Variants in PADI2 observed in about 807,000 individuals in gnomAD.
PADI2 encodes peptidyl arginine deiminase 2.
A neutral mutation model predicts 81.1 loss-of-function variants in PADI2; 70 were observed. The ratio of observed to expected loss-of-function variants is 0.86; its 90% confidence interval spans 0.71 to 1.05. The LOEUF is 1.05. PADI2 is among the 50% of genes least tolerant of loss of function. PADI2 has a pLI of 0.00. For missense variants in PADI2, 853 were observed against 889.9 expected, an observed-to-expected ratio of 0.96 and a Z score of 0.53; for synonymous variants, 338 against 358.0, an observed-to-expected ratio of 0.94 and a Z score of 0.63.
Position 17,067,355 on chromosome 1 carries a change from C to A in PADI2, c.*1689G>T, listed in dbSNP as rs2078230222. Reference sequence around the variant, plus strand: ...GGGCTGGAGAGATCTGGGGCTTTGGCCTCCAAAGGCAGGAGCTGCTGTCCC... The same window carrying A: ...GGGCTGGAGAGATCTGGGGCTTTGGACTCCAAAGGCAGGAGCTGCTGTCCC... On this transcript the variant is annotated 3_prime_UTR_variant, in exon 16 of 16. Transcript: ENST00000375486. 6.6e-6 allele frequency: 1 copy of A among 152,142 alleles called. No homozygotes were observed. Among genetic ancestry groups the A allele is most frequent in the African/African-American group, 2.4e-5 (1 of 41,426 alleles). The allele number at this position is 152,142 out of a possible 1,614,324, so 9.4% of individuals were successfully genotyped here.
Position 17,086,520 on chromosome 1 carries a change from C to T in PADI2, c.834+1G>A. 6.2e-7 allele frequency: 1 copy of T among 1,611,906 alleles called. No homozygotes were observed. The highest frequency in any genetic ancestry group is 8.5e-7 in the Non-Finnish European group (1 of 1,178,986). Reference sequence around the variant, plus strand: ...CTGTGGTGGAGGCCTGGAGCCCTCACCTGGGCCATGTACTCCAGCAGGCTG... The same window carrying T: ...CTGTGGTGGAGGCCTGGAGCCCTCATCTGGGCCATGTACTCCAGCAGGCTG... On this transcript the variant is annotated splice_donor_variant, in intron 7 of 15. Coordinates refer to ENST00000375486, the MANE Select transcript of PADI2 (RefSeq NM_007365.3). LOFTEE classifies it high-confidence loss of function.
intron 10 of PADI2, 144 bp from the exon 11 acceptor site, chr1:17,079,559 A>G: frequency 1.6e-6 from 1 of 608,368 alleles, no homozygotes; most frequent in Non-Finnish European, 2.8e-6. Flanking sequence ...CCTATGATTA[A>G]CAAAGAGCAG....
chr1:17,088,454 G>C (rs1253717623), intron 6 of PADI2, among the ~76,000 whole-genome samples: 1 of 152,176 alleles, frequency 6.6e-6, no homozygotes, highest in Non-Finnish European at 1.5e-5. Flanking sequence ...GAAATAAGTG[G>C]ATGAACCGCG....
chr1:17,117,347 A>C (rs555885960), intron 1 of PADI2, among the ~76,000 whole-genome samples: 3 of 152,368 alleles, frequency 2.0e-5, no homozygotes, highest in African/African-American at 7.2e-5. Flanking sequence ...GGGTTAAACA[A>C]AATATATTAT....
intron 3 of PADI2, among the ~76,000 whole-genome samples, chr1:17,100,967 G>C (rs950624538): frequency 1.3e-5 from 2 of 151,364 alleles, no homozygotes; most frequent in Non-Finnish European, 2.9e-5. Flanking sequence ...GCCACAAATT[G>C]TTTTATTGAT....
Position 17,084,947 on chromosome 1 carries a change from C to T in PADI2, c.835-245G>A, listed in dbSNP as rs545428013. Among the ~76,000 whole-genome samples, 12 of 152,372 alleles carry T rather than the reference C, an allele frequency of 7.9e-5. No individual in the cohort carries two copies. In the East Asian group the frequency reaches 9.6e-4, roughly 12 times the overall value. On this transcript the variant is annotated intron_variant, in intron 7 of 15. Coordinates refer to ENST00000375486, the MANE Select transcript of PADI2 (RefSeq NM_007365.3). ...GAAACCGAGTCACAGGGCTGTTAAC[C>T]GCCCAAGGTCACATGGTTGGTAAGT...
At chr1:17,082,496 A>G (rs1415963918) in intron 10 of PADI2, 49 bp downstream of exon 10, 1 of 1,200,258 alleles carries the variant, frequency 8.3e-7, no homozygotes, top group East Asian at 2.3e-5. Context: ...CTGTCTTATG[A>G]GAATCTCCAG....
intron 4 of PADI2, among the ~76,000 whole-genome samples, chr1:17,095,166 A>G (rs1212181261): frequency 1.3e-5 from 2 of 152,266 alleles, no homozygotes; most frequent in Admixed American, 1.3e-4. Context: ...AATGGAAAGC[A>G]GTTAGAAGCA....
intron 3 of PADI2, among the ~76,000 whole-genome samples, chr1:17,100,102 G>A (rs1031983884): frequency 3.9e-5 from 6 of 152,058 alleles, no homozygotes; most frequent in East Asian, 1.9e-4. Flanking sequence ...TCAGGATGAC[G>A]GGCTCAAGGG....
chr1:17,098,074 C>A (rs976693938), intron 3 of PADI2, among the ~76,000 whole-genome samples: 8 of 152,072 alleles, frequency 5.3e-5, no homozygotes, highest in Non-Finnish European at 1.0e-4. Flanking sequence ...GAAACCCAGG[C>A]CCGCAGCAGG....
At chr1:17,075,895 C>G in intron 11 of PADI2, 72 bp from the exon 12 acceptor site, 1 of 1,452,712 alleles carries the variant, frequency 6.9e-7, no homozygotes. Context: ...GGAGTTTGGT[C>G]TCTGGGACCC....
chr1:17,075,926 T>A (rs2078299177), intron 11 of PADI2, 103 bp from the exon 12 acceptor site: 1 of 1,039,870 alleles, frequency 9.6e-7, no homozygotes, highest in Non-Finnish European at 1.5e-6. Context: ...CAGAGTGACA[T>A]CAGCAGAGAA....
At chr1:17,100,375 C>G (rs764848584) in intron 3 of PADI2, among the ~76,000 whole-genome samples, 2 of 152,138 alleles carry the variant, frequency 1.3e-5, no homozygotes, top group Non-Finnish European at 2.9e-5. Flanking sequence ...ACCTCTGTCT[C>G]CTGGTTTCAA....
chr1:17,104,973 C>A lies in PADI2; in HGVS notation c.181G>T (p.Val61Leu). ...EVVRDGEAEE[V>L]ATNGKQRWLL... is the part of the protein sequence containing the mutation. Reference sequence around the variant, plus strand: ...CAGCGCTGCTTGCCATTGGTGGCCACCTCCTCAGCCTCCCCATCACGCACC... The same window carrying A: ...CAGCGCTGCTTGCCATTGGTGGCCAACTCCTCAGCCTCCCCATCACGCACC... Residue 61 changes from valine (V) to leucine (L), a missense_variant, in exon 2 of 16, where the codon GTG becomes TTG. Coordinates refer to ENST00000375486, the MANE Select transcript of PADI2 (RefSeq NM_007365.3). 1 of 1,610,272 alleles carries A rather than the reference C, an allele frequency of 6.2e-7. No homozygotes were observed. The highest frequency in any genetic ancestry group is 8.5e-7 in the Non-Finnish European group (1 of 1,179,160).
intron 13 of PADI2, among the ~76,000 whole-genome samples, chr1:17,073,414 C>T (rs1357619949): frequency 1.5e-4 from 2 of 12,920 alleles, no homozygotes. Context: ...GAGACTGTGT[C>T]TCAAAAAAAA....
intron 6 of PADI2, among the ~76,000 whole-genome samples, chr1:17,088,486 C>T (rs1930546803): frequency 6.6e-6 from 1 of 152,140 alleles, no homozygotes; most frequent in Admixed American, 6.5e-5. Context: ...TGGGATGGCT[C>T]CTCCTGTGGG....
At chr1:17,087,252 T>C (rs1930505767) in intron 6 of PADI2, among the ~76,000 whole-genome samples, 1 of 152,208 alleles carries the variant, frequency 6.6e-6, no homozygotes, top group Admixed American at 6.5e-5. Context: ...GGGCTGTTCA[T>C]TTTTGTGGCT....
In PADI2 at chr1:17,069,072, G is replaced by A. The variant is rs753259320; in HGVS notation, c.1970C>T (p.Thr657Ile). Residue 657 changes from threonine (T) to isoleucine (I), a missense_variant, in exon 16 of 16, where the codon ACC becomes ATC. By Grantham distance (89) the Thr-to-Ile change is moderately conservative. Coordinates refer to ENST00000375486, the MANE Select transcript of PADI2 (RefSeq NM_007365.3). The stretch of plus-strand genomic sequence containing the variant: ...GGGCACCATGTGCCACCACTTGAAG[G>A]TGAAGGGCTTCCTGCGGACGTTGGT... ...CGTNVRRKPFTFKWWHMVP is the reference protein window; with the variant it reads ...CGTNVRRKPFIFKWWHMVP 3 of 1,614,058 alleles carry A rather than the reference G, an allele frequency of 1.9e-6. No homozygotes were observed. Among genetic ancestry groups the A allele is most frequent in the Admixed American group, 1.7e-5 (1 of 60,006 alleles).
intron 13 of PADI2, among the ~76,000 whole-genome samples, chr1:17,072,923 A>G (rs751239083): frequency 6.6e-6 from 1 of 152,136 alleles, no homozygotes; most frequent in Non-Finnish European, 1.5e-5. Flanking sequence ...CAATCCAAGA[A>G]CAAACTTCCC....
Sources: gnomAD v4.1 joint callset for allele counts (sites outside exome capture counted in the v4.1 genomes callset) on GRCh38, gnomAD v4.1.1 for gene constraint, MANE v1.5 for transcripts, NCBI Gene and HGNC (gene_info 2026-07-23, HGNC 2026-07-21) for gene names.